UGT2B7: variants seen among roughly 807,000 people sequenced by gnomAD.
The protein encoded by UGT2B7 is UDP-glucuronosyltransferase 2B7.
In UGT2B7, 51 loss-of-function variants were observed where a neutral mutation model predicts 51.9. That is an observed-to-expected ratio of 0.98 (90% CI 0.78 to 1.24). UGT2B7 has a LOEUF of 1.24. UGT2B7 is among the 50% of genes most tolerant of loss of function. UGT2B7 has a pLI of 0.00. For missense variants in UGT2B7, 727 were observed against 628.4 expected (o/e 1.16, Z -1.68); for synonymous variants, 225 against 211.6 (o/e 1.06, Z -0.55).
chr4:69,093,682 G>A (rs1277785719), upstream of UGT2B7, among the ~76,000 whole-genome samples: 4 of 152,254 alleles, frequency 2.6e-5, no homozygotes, highest in Non-Finnish European at 2.9e-5. Flanking sequence ...GTTCATGAGG[G>A]GATCTTGTGA....
chr4:69,094,505 C>A (rs1390997954), upstream of UGT2B7, among the ~76,000 whole-genome samples: 3 of 152,220 alleles, frequency 2.0e-5, no homozygotes, highest in Admixed American at 6.5e-5. Context: ...ATTAAGTCTG[C>A]AATAATATTA....
In UGT2B7 at chr4:69,097,132, A is replaced by C; in HGVS notation, c.612A>C (p.Gln204His). The change falls in exon 1 of 6, where the codon CAA (glutamine) becomes CAC (histidine). Residue 204 changes from glutamine (Q) to histidine (H), a missense_variant. By Grantham distance (24) the Gln-to-His change is conservative (BLOSUM62 0). Coordinates refer to ENST00000305231, the MANE Select transcript of UGT2B7 (RefSeq NM_001074.4). ...VPVVMSELTD[Q>H]MTFMERVKNM... ...TTGTTATGTCAGAATTAACTGATCAAATGACTTTCATGGAGAGGGTAAAAA... is the reference window on the plus strand; with the variant it reads ...TTGTTATGTCAGAATTAACTGATCACATGACTTTCATGGAGAGGGTAAAAA... The C allele has an allele frequency of 6.2e-7, 1 of 1,613,620 alleles. No individual in the cohort carries two copies. Among genetic ancestry groups the C allele is most frequent in the Non-Finnish European group, 8.5e-7 (1 of 1,179,676 alleles).
At chr4:69,078,994 G>A (rs1718777195) in intron 1 of UGT2B7, among the ~76,000 whole-genome samples, 2 of 152,056 alleles carry the variant, frequency 1.3e-5, no homozygotes, top group Admixed American at 1.3e-4. Flanking sequence ...GAAGCTCTAG[G>A]AGGTATTACC....
At chr4:69,052,587 A>AAGAAGGGGAGGCAAAACACGT (rs1560495734) in intron 1 of UGT2B7, among the ~76,000 whole-genome samples, 1 of 151,304 alleles carries the variant, frequency 6.6e-6, no homozygotes, top group African/African-American at 2.4e-5. Context: ...AAAAAAAAAA[A>AAGAAGGGGAGGCAAAACACGT]AAAAAGAAGG....
At chr4:69,098,954 G>C (rs985910780) in intron 2 of UGT2B7, among the ~76,000 whole-genome samples, 15 of 151,986 alleles carry the variant, frequency 9.9e-5, no homozygotes, top group African/African-American at 3.6e-4. Context: ...CAATACCTAA[G>C]AAGGTATTGG....
chr4:69,097,242 G>T lies in UGT2B7; in HGVS notation c.721+1G>T, dbSNP rs756714734. The T allele has an allele frequency of 1.2e-6, 2 of 1,600,440 alleles. No homozygotes were observed. The highest frequency in any genetic ancestry group is 3.6e-5 in the Admixed American group (2 of 55,334). ...GATCAGTTTTATAGTGAAGTTCTAG[G>T]TAAGTATTTTTTTCAATCAGTAACA... On this transcript the variant is annotated splice_donor_variant, in intron 1 of 5. Transcript: ENST00000305231. LOFTEE classifies it high-confidence loss of function.
rs146215904 is a variant in UGT2B7, at chr4:69,112,965, A to G, written c.*229A>G. On this transcript the variant is annotated 3_prime_UTR_variant, in exon 6 of 6. Transcript: ENST00000305231. ...GGCAATGAAGAAAACACTACGGAAA[A>G]TAAAAAATAAGATAAAGCCTTATGA... 294 of 526,048 alleles carry G rather than the reference A, an allele frequency of 5.6e-4. 3 individuals carry two copies. The East Asian group carries it at 0.012, about 22-fold the overall frequency. The allele number at this position is 526,048 out of a possible 1,614,324, so 32.6% of individuals were successfully genotyped here.
chr4:69,086,630 A>C (rs1379566592), intron 1 of UGT2B7, among the ~76,000 whole-genome samples: 1 of 151,804 alleles, frequency 6.6e-6, no homozygotes, highest in Admixed American at 6.6e-5. Flanking sequence ...CAGCTCTATA[A>C]ATTTTGCTTT....
At chr4:69,099,972 C>T (rs1719371675) in intron 2 of UGT2B7, among the ~76,000 whole-genome samples, 2 of 152,086 alleles carry the variant, frequency 1.3e-5, no homozygotes, top group Non-Finnish European at 2.9e-5. Flanking sequence ...AGGATCTTCA[C>T]CAGTATTGCA....
chr4:69,091,173 TG>T (rs1719076373), intron 2 of UGT2B7, among the ~76,000 whole-genome samples: 2 of 152,220 alleles, frequency 1.3e-5, no homozygotes, highest in Admixed American at 1.3e-4. Flanking sequence ...GTTTTTTCTC[TG>T]GAACTCTAAA....
intron 1 of UGT2B7, among the ~76,000 whole-genome samples, chr4:69,069,187 T>C (rs1319593223): frequency 2.6e-5 from 4 of 152,034 alleles, no homozygotes; most frequent in East Asian, 3.8e-4. Flanking sequence ...CATGAATCCA[T>C]TGATGTAATG....
chr4:69,074,157 A>G (rs6600867), intron 1 of UGT2B7, among the ~76,000 whole-genome samples: 65,041 of 151,796 alleles, frequency 0.43, 15,488 homozygotes, highest in African/African-American at 0.64. Flanking sequence ...CCTGGATAAC[A>G]TAATGAGAGC....
At chr4:69,098,750 T>C in intron 2 of UGT2B7, 62 bp downstream of exon 2, 1 of 1,592,574 alleles carries the variant, frequency 6.3e-7, no homozygotes, top group East Asian at 2.2e-5. Flanking sequence ...AATGATTCTA[T>C]AGTCTTCTTT....
intron 1 of UGT2B7, among the ~76,000 whole-genome samples, chr4:69,066,967 C>T (rs1311300003): frequency 6.6e-6 from 1 of 152,056 alleles, no homozygotes; most frequent in East Asian, 1.9e-4. Context: ...TTCCTCTATT[C>T]AAGCACCATC....
At chr4:69,100,626 G>A (rs533913417) in intron 2 of UGT2B7, among the ~76,000 whole-genome samples, 8 of 152,004 alleles carry the variant, frequency 5.3e-5, no homozygotes, top group African/African-American at 9.6e-5. Context: ...CCCATACTAA[G>A]GGAAAAACTG....
intron 5 of UGT2B7, among the ~76,000 whole-genome samples, chr4:69,112,186 G>A (rs369610334): frequency 6.6e-6 from 1 of 152,132 alleles, no homozygotes; most frequent in Non-Finnish European, 1.5e-5. Context: ...TCCCTGTCCT[G>A]TTCTGTTCCA....
chr4:69,066,226 T>G (rs758005594), intron 1 of UGT2B7, among the ~76,000 whole-genome samples: 14 of 152,302 alleles, frequency 9.2e-5, no homozygotes, highest in Non-Finnish European at 1.6e-4. Context: ...ATATGTAAAC[T>G]TGTGTCATGG....
At chr4:69,102,601 C>A (rs1719454362) in intron 2 of UGT2B7, among the ~76,000 whole-genome samples, 1 of 152,054 alleles carries the variant, frequency 6.6e-6, no homozygotes, top group Admixed American at 6.6e-5. Context: ...CATATTTACA[C>A]AAATATCCTT....
intron 2 of UGT2B7, among the ~76,000 whole-genome samples, chr4:69,102,426 T>A (rs1306504800): frequency 6.6e-6 from 1 of 152,132 alleles, no homozygotes; most frequent in Non-Finnish European, 1.5e-5. Context: ...AATATAGAAT[T>A]AAAGCTGAGT....
Sources: gnomAD v4.1 joint callset for allele counts (sites outside exome capture counted in the v4.1 genomes callset) on GRCh38, gnomAD v4.1.1 for gene constraint, MANE v1.5 for transcripts, NCBI Gene and HGNC (gene_info 2026-07-23, HGNC 2026-07-21) for gene names.